Variants in ELMOD1 observed in about 807,000 individuals in gnomAD.
ELMOD1 encodes ELMO domain-containing protein 1.
A neutral mutation model predicts 46.7 loss-of-function variants in ELMOD1; 21 were observed. That is an observed-to-expected ratio of 0.45 (90% CI 0.32 to 0.65). The LOEUF is 0.65. ELMOD1 is among the 30% of genes least tolerant of loss of function. The pLI, the probability that ELMOD1 is intolerant of heterozygous loss-of-function variation, is 0.04. For synonymous variants in ELMOD1, 122 were observed against 138.2 expected, an observed-to-expected ratio of 0.88 and a Z score of 0.82; for missense variants, 348 against 407.8, an observed-to-expected ratio of 0.85 and a Z score of 1.26.
intron 1 of ELMOD1, among the ~76,000 whole-genome samples, chr11:107,598,950 C>T (rs992752379): frequency 2.6e-5 from 4 of 152,262 alleles, no homozygotes; most frequent in Non-Finnish European, 5.9e-5. Flanking sequence ...TCCATTTTTA[C>T]GTGGGACCTA....
intron 5 of ELMOD1, among the ~76,000 whole-genome samples, chr11:107,635,221 A>G (rs1017424915): frequency 6.6e-6 from 1 of 152,178 alleles, no homozygotes; most frequent in African/African-American, 2.4e-5. Context: ...AATCCCTAAG[A>G]GCCCAGTATT....
At chr11:107,653,399 TCAAA>T (rs1438420264) in intron 9 of ELMOD1, 1 of 152,222 alleles carries the variant, frequency 6.6e-6, no homozygotes. Context: ...AAATCTTTTT[TCAAA>T]CAGTCTTATT....
intron 1 of ELMOD1, among the ~76,000 whole-genome samples, chr11:107,606,853 T>C (rs1865693626): frequency 6.6e-6 from 1 of 152,038 alleles, no homozygotes; most frequent in Non-Finnish European, 1.5e-5. Flanking sequence ...CAGTTACCTG[T>C]TAGTTTTGGC....
At chr11:107,594,501 T>G (rs998275590) in intron 1 of ELMOD1, among the ~76,000 whole-genome samples, 3 of 152,170 alleles carry the variant, frequency 2.0e-5, no homozygotes, top group African/African-American at 7.2e-5. Context: ...TGGACCTCAG[T>G]GCATTTAAAA....
At chr11:107,646,968 A>G (rs1370630934) in intron 6 of ELMOD1, among the ~76,000 whole-genome samples, 7 of 151,576 alleles carry the variant, frequency 4.6e-5, no homozygotes, top group Non-Finnish European at 8.8e-5. Flanking sequence ...CTATCTATCT[A>G]TCTATCTATC....
chr11:107,601,684 G>A (rs1039959386), intron 1 of ELMOD1, among the ~76,000 whole-genome samples: 5 of 151,706 alleles, frequency 3.3e-5, no homozygotes, highest in African/African-American at 1.2e-4. Context: ...CCAAACTGCT[G>A]GGATTACAGG....
chr11:107,655,693 G>A (rs550454039), intron 10 of ELMOD1, among the ~76,000 whole-genome samples: 23 of 150,526 alleles, frequency 1.5e-4, no homozygotes, highest in African/African-American at 5.4e-4. Context: ...TATTTTTATG[G>A]TTATTTCTTG....
intron 1 of ELMOD1, among the ~76,000 whole-genome samples, chr11:107,596,030 T>TA (rs1865487245): frequency 6.6e-6 from 1 of 152,104 alleles, no homozygotes; most frequent in Non-Finnish European, 1.5e-5. Context: ...TAAGCCTTTT[T>TA]AAAAAATCAG....
intron 7 of ELMOD1, among the ~76,000 whole-genome samples, chr11:107,649,107 A>C (rs1039652542): frequency 6.6e-6 from 1 of 152,226 alleles, no homozygotes; most frequent in African/African-American, 2.4e-5. Flanking sequence ...AATATTAATG[A>C]ATGGAAAGTA....
In ELMOD1 at chr11:107,591,258, G is replaced by A. The variant is rs1041715497; in HGVS notation, c.-237G>A. 3 of 152,186 alleles carry A rather than the reference G, an allele frequency of 2.0e-5. No homozygotes were observed. Among genetic ancestry groups the A allele is most frequent in the African/African-American group, 7.2e-5 (3 of 41,418 alleles). 9.4% of individuals were successfully genotyped at this position (152,186 alleles called of 1,614,324 possible). On this transcript the variant is annotated 5_prime_UTR_variant, in exon 1 of 12. Transcript: ENST00000265840. The stretch of plus-strand genomic sequence containing the variant: ...TTCCGCGCCCGCAGCCAGTGCGGCA[G>A]CCGCGGCCGCCCCTGTCCAGCCTCG...
chr11:107,642,570 C>T (rs886404222), intron 6 of ELMOD1, among the ~76,000 whole-genome samples: 3 of 151,978 alleles, frequency 2.0e-5, no homozygotes, highest in Non-Finnish European at 1.5e-5. Flanking sequence ...GGGGTTTCAC[C>T]GTCTTGGCCA....
chr11:107,595,110 A>T (rs1865470082), intron 1 of ELMOD1, among the ~76,000 whole-genome samples: 1 of 151,928 alleles, frequency 6.6e-6, no homozygotes, highest in Non-Finnish European at 1.5e-5. Flanking sequence ...CCAGCAACTG[A>T]TAATACAATG....
chr11:107,642,912 T>G, intron 6 of ELMOD1: 1 of 329,776 alleles, frequency 3.0e-6, no homozygotes. Flanking sequence ...AGAAACTGAA[T>G]TCTGAACTTC....
Position 107,665,255 on chromosome 11 carries a change from C to T in ELMOD1, c.*58C>T. On this transcript the variant is annotated 3_prime_UTR_variant, in exon 12 of 12. Coordinates refer to ENST00000265840, the MANE Select transcript of ELMOD1 (RefSeq NM_018712.4). ...ACACTGCCTCATTGTCTTGTTAGATCTCTGCTTAGGTCGCAGCTCACGCAT... is the reference window on the plus strand; with the variant it reads ...ACACTGCCTCATTGTCTTGTTAGATTTCTGCTTAGGTCGCAGCTCACGCAT... 2 of 1,562,120 alleles carry T rather than the reference C, an allele frequency of 1.3e-6. No homozygotes were observed. Among genetic ancestry groups the T allele is most frequent in the Non-Finnish European group, 1.7e-6 (2 of 1,143,922 alleles).
At chr11:107,647,176 T>C (rs371754306) in intron 6 of ELMOD1, among the ~76,000 whole-genome samples, 7 of 152,340 alleles carry the variant, frequency 4.6e-5, no homozygotes, top group East Asian at 3.9e-4. Context: ...TCTTTTATTA[T>C]GAAATGGTTG....
rs980028865 is a variant in ELMOD1 at position 107,625,586 on chromosome 11, T to C, written c.18-4831T>C. The C allele has an allele frequency of 5.3e-5, 52 of 984,856 alleles. No individual in the cohort carries two copies. The African/African-American group carries it at 8.6e-4, about 16-fold the overall frequency. 61.0% of individuals were successfully genotyped at this position (984,856 alleles called of 1,614,324 possible). On this transcript the variant is annotated intron_variant, in intron 2 of 11. Transcript: ENST00000265840. ...AGGGGCTACATGGTTTTAGGCGCAT[T>C]TCCTGTTTTGAAAGCCCCATCCCTC...
chr11:107,642,231 C>A (rs377335632), intron 6 of ELMOD1, among the ~76,000 whole-genome samples: 1 of 152,176 alleles, frequency 6.6e-6, no homozygotes, highest in East Asian at 1.9e-4. Flanking sequence ...CCTGAGCCAC[C>A]GCACGTGGCC....
At chr11:107,616,169 T>C (rs1865860356) in intron 1 of ELMOD1, among the ~76,000 whole-genome samples, 1 of 151,872 alleles carries the variant, frequency 6.6e-6, no homozygotes, top group Non-Finnish European at 1.5e-5. Flanking sequence ...CTAATTTTTG[T>C]ATTTTTAGTA....
rs78130255 is a variant in ELMOD1, at chr11:107,640,377, T to C, written c.420+4612T>C. On this transcript the variant is annotated intron_variant, in intron 6 of 11. Transcript: ENST00000265840. ...TTACAATACCATTAATATAAATGCA[T>C]AATTTCGAAGTCAACATTCATTTCA... Among the ~76,000 whole-genome samples the C allele has an allele frequency of 5.0e-3, 756 of 152,328 alleles. 6 individuals carry two copies. Among genetic ancestry groups the C allele is most frequent in the African/African-American group, 0.017 (720 of 41,572 alleles).
Sources: gnomAD v4.1 joint callset for allele counts (sites outside exome capture counted in the v4.1 genomes callset) on GRCh38, gnomAD v4.1.1 for gene constraint, MANE v1.5 for transcripts, NCBI Gene and HGNC (gene_info 2026-07-23, HGNC 2026-07-21) for gene names.